Variants in DPP10 observed in about 807,000 individuals in gnomAD.
DPP10 encodes dipeptidyl peptidase like 10.
DPP10 carries 33 observed loss-of-function variants against 120.9 expected under a neutral mutation model. That is an observed-to-expected ratio of 0.27 (90% CI 0.21 to 0.37). The LOEUF (loss-of-function observed/expected upper bound fraction) is 0.37. DPP10 is among the 10% of genes least tolerant of loss of function. DPP10 has a pLI of 1.00. For synonymous variants in DPP10, 337 were observed against 326.1 expected (o/e 1.03, Z -0.36); for missense variants, 816 against 942.8 (o/e 0.87, Z 1.76).
chr2:115,206,268 T>G (rs1376213158), intron 1 of DPP10, among the ~76,000 whole-genome samples: 2 of 152,178 alleles, frequency 1.3e-5, no homozygotes, highest in Non-Finnish European at 2.9e-5. Flanking sequence ...TAGTGTGAGA[T>G]AATGTACCAT....
chr2:114,870,257 A>T (rs1213348345), intron 1 of DPP10, among the ~76,000 whole-genome samples: 1 of 152,210 alleles, frequency 6.6e-6, no homozygotes, highest in African/African-American at 2.4e-5. Context: ...TCTTTTTAGT[A>T]AAATGGTTAT....
chr2:114,794,345 T>C (rs1325606806), intron 1 of DPP10, among the ~76,000 whole-genome samples: 1 of 152,148 alleles, frequency 6.6e-6, no homozygotes, highest in Non-Finnish European at 1.5e-5. Flanking sequence ...CAAATGAAAA[T>C]GGAGCCAAAA....
chr2:114,872,579 A>G (rs965117751), intron 1 of DPP10, among the ~76,000 whole-genome samples: 6 of 152,180 alleles, frequency 3.9e-5, no homozygotes, highest in African/African-American at 1.2e-4. Flanking sequence ...CTTCAATTGT[A>G]TAGCTACATC....
At chr2:115,375,650 T>A (rs890601614) in intron 3 of DPP10, among the ~76,000 whole-genome samples, 2 of 152,200 alleles carry the variant, frequency 1.3e-5, no homozygotes, top group Non-Finnish European at 2.9e-5. Flanking sequence ...TGAGACTGGA[T>A]AATTTATGAA....
At chr2:115,415,143 T>C (rs1005993977) in intron 3 of DPP10, among the ~76,000 whole-genome samples, 2 of 152,194 alleles carry the variant, frequency 1.3e-5, no homozygotes, top group African/African-American at 4.8e-5. Flanking sequence ...GATAAGTATT[T>C]GATTCTGCTC....
At chr2:115,384,516 A>C (rs996401343) in intron 3 of DPP10, among the ~76,000 whole-genome samples, 1 of 145,618 alleles carries the variant, frequency 6.9e-6, no homozygotes, top group African/African-American at 2.6e-5. Flanking sequence ...AAGAAGAAGG[A>C]AGAAGAGGAA....
At position 115,485,627 on chromosome 2, in the gene DPP10, A is replaced by G. The variant is rs545825498; in HGVS notation, c.272-13883A>G. ...ATTATATACTTGGATTACAGTGATC[A>G]ATCTTCTCTCTAGAGATTTAACTGA... is the stretch of plus-strand genomic sequence containing the variant. On this transcript the variant is annotated intron_variant, in intron 3 of 25. Coordinates refer to ENST00000410059, the MANE Select transcript of DPP10 (RefSeq NM_020868.6). 3.9e-5 allele frequency among the ~76,000 whole-genome samples: 6 copies of G among 152,236 alleles called. No homozygotes were observed. The South Asian group carries it at 1.2e-3, about 32-fold the overall frequency.
chr2:115,055,032 C>T (rs1705793588), intron 1 of DPP10, among the ~76,000 whole-genome samples: 1 of 152,062 alleles, frequency 6.6e-6, no homozygotes, highest in Non-Finnish European at 1.5e-5. Context: ...TATTTCAGCA[C>T]TCCTTTTGAA....
chr2:114,960,874 T>C (rs907682245), intron 1 of DPP10, among the ~76,000 whole-genome samples: 8 of 152,066 alleles, frequency 5.3e-5, no homozygotes, highest in African/African-American at 1.9e-4. Flanking sequence ...CAATTTGTTT[T>C]GGTGGCTATA....
intron 1 of DPP10, among the ~76,000 whole-genome samples, chr2:114,512,226 A>C (rs1684205781): frequency 6.6e-6 from 1 of 152,194 alleles, no homozygotes; most frequent in East Asian, 1.9e-4. Flanking sequence ...TTAGTTATAT[A>C]ACCAGGGGAC....
intron 2 of DPP10, among the ~76,000 whole-genome samples, chr2:115,328,972 C>T (rs1190203986): frequency 2.0e-5 from 3 of 152,144 alleles, no homozygotes; most frequent in Admixed American, 2.0e-4. Flanking sequence ...CTTTTGAGAA[C>T]AGAGAAGCAG....
chr2:114,977,330 T>A (rs1357074164), intron 1 of DPP10, among the ~76,000 whole-genome samples: 1 of 152,178 alleles, frequency 6.6e-6, no homozygotes, highest in Non-Finnish European at 1.5e-5. Flanking sequence ...CTACACCTTC[T>A]ATTTACTTTG....
At chr2:115,405,855 A>G (rs1166253674) in intron 3 of DPP10, among the ~76,000 whole-genome samples, 1 of 152,148 alleles carries the variant, frequency 6.6e-6, no homozygotes, top group Non-Finnish European at 1.5e-5. Context: ...ATCCCCCACA[A>G]CATTCCACCC....
chr2:115,555,470 A>G (rs1370342780), intron 5 of DPP10, among the ~76,000 whole-genome samples: 4 of 152,088 alleles, frequency 2.6e-5, no homozygotes, highest in African/African-American at 9.7e-5. Context: ...TACGATGAGA[A>G]GAGTTATTTA....
At chr2:114,748,351 A>ATTTTTTTTTTTTTTTTTTTTTTTT (rs1458478614) in intron 1 of DPP10, among the ~76,000 whole-genome samples, 1 of 101,270 alleles carries the variant, frequency 9.9e-6, no homozygotes, top group African/African-American at 3.9e-5. Context: ...TTTTTTTTTT[A>ATTTTTTTTTTTTTTTTTTTTTTTT]TTTTTTTTTA....
Position 114,467,301 on chromosome 2 carries a change from G to A in DPP10, c.60+24463G>A, listed in dbSNP as rs551375785. ...ATCAATGTACTAGACTGGGTAGAGCGTGTGGTGAAATGAAGGCCTTCTAGA... is the reference window on the plus strand; with the variant it reads ...ATCAATGTACTAGACTGGGTAGAGCATGTGGTGAAATGAAGGCCTTCTAGA... On this transcript the variant is annotated intron_variant, in intron 1 of 25. Coordinates refer to ENST00000410059, the MANE Select transcript of DPP10 (RefSeq NM_020868.6). Among the ~76,000 whole-genome samples the A allele has an allele frequency of 2.2e-4, 33 of 152,314 alleles. No individual in the cohort carries two copies. In the East Asian group the frequency reaches 4.8e-3, roughly 22 times the overall value.
intron 1 of DPP10, among the ~76,000 whole-genome samples, chr2:114,545,526 C>CT (rs1391937755): frequency 1.3e-5 from 2 of 152,208 alleles, no homozygotes; most frequent in South Asian, 4.1e-4. Context: ...GTCTTTCCAA[C>CT]TGCCTTACCT....
intron 1 of DPP10, among the ~76,000 whole-genome samples, chr2:114,903,059 A>G (rs1467551339): frequency 6.6e-6 from 1 of 152,136 alleles, no homozygotes; most frequent in Non-Finnish European, 1.5e-5. Context: ...CAATATGTAG[A>G]CTTTTTATTG....
intron 5 of DPP10, among the ~76,000 whole-genome samples, chr2:115,645,668 C>T (rs1189454655): frequency 2.6e-5 from 4 of 152,074 alleles, no homozygotes; most frequent in South Asian, 4.1e-4. Flanking sequence ...GGTGGATGCA[C>T]GTTTAAGTCA....
Sources: allele counts gnomAD v4.1 joint callset (sites outside exome capture counted in the v4.1 genomes callset), GRCh38; gene constraint gnomAD v4.1.1; transcripts MANE v1.5; gene names NCBI Gene and HGNC (gene_info 2026-07-23, HGNC 2026-07-21).